Variants in SRRM3 observed in about 807,000 individuals in gnomAD.
The protein encoded by SRRM3 is serine/arginine repetitive matrix 3, also known as serine/arginine repetitive matrix protein 3.
In SRRM3, 27 loss-of-function variants were observed where a neutral mutation model predicts 66.2. The ratio of observed to expected loss-of-function variants is 0.41; its 90% CI spans 0.30 to 0.56. SRRM3 has a LOEUF of 0.56. SRRM3 is among the 20% of genes least tolerant of loss of function. The probability of loss-of-function intolerance (pLI) is 0.32; values close to 1 mark genes in which losing one functional copy is unlikely to be tolerated. For synonymous variants in SRRM3, 391 were observed against 414.9 expected (o/e 0.94, Z 0.70); for missense variants, 918 against 991.9 (o/e 0.93, Z 1.00).
intron 3 of SRRM3, among the ~76,000 whole-genome samples, chr7:76,251,788 AGC>A (rs1554606938): frequency 4.0e-5 from 6 of 151,772 alleles, no homozygotes; most frequent in African/African-American, 1.2e-4. Flanking sequence ...AAATGCTGGG[AGC>A]TGTGGTTCAT....
chr7:76,229,292 C>T (rs782368980), intron 1 of SRRM3, among the ~76,000 whole-genome samples: 2 of 152,008 alleles, frequency 1.3e-5, no homozygotes, highest in Admixed American at 6.6e-5. Context: ...AGATAAACAA[C>T]GGATAATTTC....
intron 1 of SRRM3, among the ~76,000 whole-genome samples, chr7:76,212,974 T>C (rs1338126587): frequency 3.3e-5 from 5 of 150,888 alleles, no homozygotes; most frequent in African/African-American, 1.2e-4. Context: ...CCGGTGCTGC[T>C]TCTTCCCTGG....
intron 2 of SRRM3, 87 bp from the exon 3 acceptor site, chr7:76,248,101 G>A (rs1563624266): frequency 3.9e-6 from 4 of 1,013,708 alleles, no homozygotes; most frequent in African/African-American, 1.6e-5. Context: ...TGACCCAGGG[G>A]TTGGCGGGGC....
At chr7:76,266,328 A>G (rs1193196459) in intron 10 of SRRM3, among the ~76,000 whole-genome samples, 1 of 116,930 alleles carries the variant, frequency 8.6e-6, no homozygotes, top group Non-Finnish European at 1.6e-5. Flanking sequence ...TAATATAAAT[A>G]TTAATATATA....
At chr7:76,253,982 T>A (rs1238586918) in intron 3 of SRRM3, among the ~76,000 whole-genome samples, 6 of 151,994 alleles carry the variant, frequency 3.9e-5, no homozygotes, top group African/African-American at 1.4e-4. Flanking sequence ...TCCAAGACCT[T>A]GTGTCTGCTC....
chr7:76,235,592 G>A (rs1801124624), intron 2 of SRRM3, among the ~76,000 whole-genome samples: 1 of 152,156 alleles, frequency 6.6e-6, no homozygotes, highest in South Asian at 2.1e-4. Context: ...TAATGGCAAA[G>A]TGATGGCTCA....
At chr7:76,275,291 G>A (rs539004447) in intron 11 of SRRM3, among the ~76,000 whole-genome samples, 2 of 151,990 alleles carry the variant, frequency 1.3e-5, no homozygotes, top group South Asian at 4.1e-4. Flanking sequence ...TCAACACTGG[G>A]TGGTGCCAGG....
intron 2 of SRRM3, among the ~76,000 whole-genome samples, chr7:76,241,342 G>T (rs1801290480): frequency 6.6e-6 from 1 of 152,120 alleles, no homozygotes; most frequent in Admixed American, 6.5e-5. Context: ...TTGCCTCCTG[G>T]CAGAACAGAC....
intron 11 of SRRM3, 144 bp from the exon 12 acceptor site, chr7:76,281,297 C>G (rs1282990284): frequency 2.0e-6 from 1 of 502,088 alleles, no homozygotes; most frequent in Non-Finnish European, 2.9e-6. Context: ...GTCTCTGTCT[C>G]TCCCTCTTTC....
intron 11 of SRRM3, among the ~76,000 whole-genome samples, chr7:76,274,585 G>A (rs539099140): frequency 2.6e-5 from 4 of 152,186 alleles, no homozygotes; most frequent in Non-Finnish European, 5.9e-5. Flanking sequence ...GCAGCTTAAT[G>A]TGAACCCTCA....
chr7:76,248,955 G>C (rs1323409466), intron 3 of SRRM3, among the ~76,000 whole-genome samples: 2 of 152,084 alleles, frequency 1.3e-5, no homozygotes, highest in African/African-American at 4.8e-5. Context: ...ACTCCAGCCT[G>C]GTCAACAGAG....
Position 76,281,483 on chromosome 7 carries a change from G to T in SRRM3, c.1051G>T (p.Ala351Ser). 8.1e-7 allele frequency: 1 copy of T among 1,227,614 alleles called. No homozygotes were observed. Among genetic ancestry groups the T allele is most frequent in the Non-Finnish European group, 1.0e-6 (1 of 981,360 alleles). The allele number at this position is 1,227,614 out of a possible 1,614,324, so 76.0% of individuals were successfully genotyped here. A position where few individuals can be genotyped will look rare whatever the true frequency, so the allele number is the denominator to read the frequency against. ...GCCCAGGGTCCGTGACAAGGCGGCG[G>T]CCGCCGCACCCACGCCGCCCGCGCG... ...PSPRVRDKAAAAAPTPPARGK... is the reference protein window; with the variant it reads ...PSPRVRDKAASAAPTPPARGK... Residue 351 changes from alanine (A) to serine (S), a missense_variant, in exon 12 of 15, where the codon GCC becomes TCC. By Grantham distance (99) the Ala-to-Ser change is moderately conservative. Coordinates refer to ENST00000611745, the MANE Select transcript of SRRM3 (RefSeq NM_001110199.3).
chr7:76,237,501 C>T (rs1383551943), intron 2 of SRRM3, among the ~76,000 whole-genome samples: 1 of 151,966 alleles, frequency 6.6e-6, no homozygotes, highest in African/African-American at 2.4e-5. Context: ...CTTGAACCCG[C>T]GAAGCAGAGG....
At chr7:76,224,996 C>T (rs901264339) in intron 1 of SRRM3, among the ~76,000 whole-genome samples, 1 of 152,144 alleles carries the variant, frequency 6.6e-6, no homozygotes, top group Non-Finnish European at 1.5e-5. Flanking sequence ...TGGGACCAGC[C>T]CACCTTCGCC....
intron 1 of SRRM3, among the ~76,000 whole-genome samples, chr7:76,222,000 A>T (rs1042644517): frequency 6.6e-6 from 1 of 152,222 alleles, no homozygotes; most frequent in African/African-American, 2.4e-5. Flanking sequence ...GAAAGAGGTT[A>T]AGTCACTACG....
rs1188371023 is a variant in SRRM3 at position 76,250,792 on chromosome 7, C to T, written c.335+2503C>T. Among the ~76,000 whole-genome samples the T allele has an allele frequency of 3.3e-5, 5 of 152,260 alleles. No homozygotes were observed. In the South Asian group the frequency reaches 8.3e-4, roughly 25 times the overall value. On this transcript the variant is annotated intron_variant, in intron 3 of 14. Transcript: ENST00000611745. Reference sequence around the variant, plus strand: ...TAATACATGTAAAGTGCTCATCGTACCTGGCACCTGGGTCAGTAATTATCA... The same window carrying T: ...TAATACATGTAAAGTGCTCATCGTATCTGGCACCTGGGTCAGTAATTATCA...
intron 3 of SRRM3, among the ~76,000 whole-genome samples, chr7:76,257,153 CAGCTCCTATTCAAGA>C (rs1554607855): frequency 6.6e-6 from 1 of 152,174 alleles, no homozygotes; most frequent in African/African-American, 2.4e-5. Context: ...TCATTTTATA[CAGCTCCTATTCAAGA>C]TGGAGTTGCT....
intron 11 of SRRM3, among the ~76,000 whole-genome samples, chr7:76,275,792 A>G (rs1802333170): frequency 6.6e-6 from 1 of 151,964 alleles, no homozygotes; most frequent in South Asian, 2.1e-4. Flanking sequence ...TCTTACCCAA[A>G]GGTTGGGCCC....
chr7:76,234,392 G>T (rs1554604551), intron 1 of SRRM3, among the ~76,000 whole-genome samples: 1 of 152,106 alleles, frequency 6.6e-6, no homozygotes, highest in Non-Finnish European at 1.5e-5. Flanking sequence ...ACAAAGGAGG[G>T]GATAGTCTTG....
Sources: gnomAD v4.1 joint callset for allele counts (sites outside exome capture counted in the v4.1 genomes callset) on GRCh38, gnomAD v4.1.1 for gene constraint, MANE v1.5 for transcripts, NCBI Gene and HGNC (gene_info 2026-07-23, HGNC 2026-07-21) for gene names.